The following NRXN3 variants were observed in gnomAD, a reference collection of about 807,000 sequenced individuals.
NRXN3 encodes the protein neurexin 3.
NRXN3 carries 32 observed loss-of-function variants against 137.6 expected under a neutral mutation model. That is an observed-to-expected ratio of 0.23 (90% CI 0.18 to 0.31). NRXN3 has a LOEUF of 0.31. Among genes scored for constraint, NRXN3 ranks in the 10% least tolerant of loss-of-function variants. The pLI is 1.00. For missense variants in NRXN3, 1,574 were observed against 2,062.5 expected, an observed-to-expected ratio of 0.76 and a Z score of 4.59; for synonymous variants, 798 against 784.5, an observed-to-expected ratio of 1.02 and a Z score of -0.29.
intron 15 of NRXN3, among the ~76,000 whole-genome samples, chr14:79,321,062 G>T (rs912416956): frequency 6.6e-6 from 1 of 152,032 alleles, no homozygotes; most frequent in African/African-American, 2.4e-5. Context: ...CTTTATACCA[G>T]TGCAATTTTC....
chr14:79,688,137 C>T (rs964705205), intron 17 of NRXN3, among the ~76,000 whole-genome samples: 6 of 150,018 alleles, frequency 4.0e-5, no homozygotes, highest in African/African-American at 7.3e-5. Context: ...GGAAGCATAC[C>T]GTGGAACTAA....
chr14:78,601,554 G>A (rs926785814), intron 4 of NRXN3, among the ~76,000 whole-genome samples: 11 of 151,806 alleles, frequency 7.2e-5, no homozygotes, highest in South Asian at 2.1e-4. Context: ...CTGGGTTCAC[G>A]CCATTCTCCT....
intron 10 of NRXN3, among the ~76,000 whole-genome samples, chr14:78,858,522 A>T (rs1032574548): frequency 5.3e-5 from 8 of 152,186 alleles, no homozygotes; most frequent in African/African-American, 1.9e-4. Context: ...ATTTTTCTTC[A>T]TTAGGACAGT....
In NRXN3 at chr14:79,527,070, C is replaced by A. The variant is rs187879819; in HGVS notation, c.3444+59668C>A. Among the ~76,000 whole-genome samples, 754 of 151,916 alleles carry A rather than the reference C, an allele frequency of 5.0e-3. 4 individuals carry two copies. Among genetic ancestry groups the A allele is most frequent in the Non-Finnish European group, 6.5e-3 (443 of 67,916 alleles). ...GGGAGGCTGAGGCAGGTGGATCACC[C>A]TGTCAAAACTCTCAGGAGTTCGAGA... On this transcript the variant is annotated intron_variant, in intron 16 of 20. Coordinates refer to ENST00000335750, the MANE Select transcript of NRXN3 (RefSeq NM_001330195.2).
At chr14:79,214,451 A>G (rs1298412517) in intron 15 of NRXN3, among the ~76,000 whole-genome samples, 2 of 152,218 alleles carry the variant, frequency 1.3e-5, no homozygotes, top group African/African-American at 2.4e-5. Context: ...TGTAGTTTCA[A>G]ATAGCTAGAA....
intron 19 of NRXN3, among the ~76,000 whole-genome samples, chr14:79,764,162 G>T (rs1352575803): frequency 1.5e-5 from 2 of 134,118 alleles, no homozygotes; most frequent in East Asian, 2.1e-4. Context: ...TTCTTTTGGT[G>T]GGTGGGGGGG....
At position 79,448,565 on chromosome 14, in the gene NRXN3, C is replaced by G. The variant is rs377365328; in HGVS notation, c.3263-18656C>G. 1.7e-3 allele frequency among the ~76,000 whole-genome samples: 255 copies of G among 152,232 alleles called. 5 individuals carry two copies. The South Asian group carries it at 0.05, about 30-fold the overall frequency. On this transcript the variant is annotated intron_variant, in intron 15 of 20. Transcript: ENST00000335750. ...CTAATTTACTATCCATGCAGATTAT[C>G]TTTAGGCAGAGGATAGAGAATAAGA... is the stretch of plus-strand genomic sequence containing the variant.
chr14:78,887,229 G>A (rs546455640), intron 10 of NRXN3, among the ~76,000 whole-genome samples: 2 of 152,028 alleles, frequency 1.3e-5, no homozygotes, highest in Non-Finnish European at 2.9e-5. Flanking sequence ...AGATAGATTT[G>A]GTAACTTGTC....
rs890756105 is a variant in NRXN3, at chr14:79,029,971, C to G, written c.3262+41830C>G. Among the ~76,000 whole-genome samples, 4 of 151,934 alleles carry G rather than the reference C, an allele frequency of 2.6e-5. No homozygotes were observed. In the East Asian group the frequency reaches 7.7e-4, roughly 29 times the overall value. On this transcript the variant is annotated intron_variant, in intron 15 of 20. Coordinates refer to ENST00000335750, the MANE Select transcript of NRXN3 (RefSeq NM_001330195.2). ...AATTGATCCTACTGTCTTAGCCCCC[C>G]CAAGTAGCTGGGACTACAGGCATGA...
chr14:79,456,736 A>G (rs2096263013), intron 15 of NRXN3, among the ~76,000 whole-genome samples: 1 of 151,948 alleles, frequency 6.6e-6, no homozygotes, highest in Non-Finnish European at 1.5e-5. Context: ...AAGAAAAGAA[A>G]GGAGAAGAGA....
intron 15 of NRXN3, among the ~76,000 whole-genome samples, chr14:79,101,202 C>A (rs182373719): frequency 1.6e-4 from 24 of 152,264 alleles, no homozygotes; most frequent in Non-Finnish European, 2.8e-4. Context: ...GCACTCAGGG[C>A]AGTGGTTTTT....
intron 8 of NRXN3, among the ~76,000 whole-genome samples, chr14:78,769,775 G>C (rs1028853792): frequency 6.6e-6 from 1 of 152,218 alleles, no homozygotes; most frequent in Admixed American, 6.5e-5. Flanking sequence ...ATGCTGAGGA[G>C]GTAGGCATGG....
At chr14:78,182,044 T>G (rs1008270411) in intron 1 of NRXN3, among the ~76,000 whole-genome samples, 1 of 148,390 alleles carries the variant, frequency 6.7e-6, no homozygotes. Flanking sequence ...TTACACATTA[T>G]GATGAGTGTT....
intron 16 of NRXN3, among the ~76,000 whole-genome samples, chr14:79,515,135 A>G (rs1165415161): frequency 6.6e-6 from 1 of 150,568 alleles, no homozygotes; most frequent in African/African-American, 2.5e-5. Flanking sequence ...CTCCCTGAGA[A>G]GCAGACCTGT....
chr14:78,183,138 C>T (rs2059957183), intron 1 of NRXN3, among the ~76,000 whole-genome samples: 1 of 152,206 alleles, frequency 6.6e-6, no homozygotes, highest in Admixed American at 6.5e-5. Flanking sequence ...ATGCCGGCCC[C>T]TCTGTGCTGA....
At chr14:79,347,815 T>C (rs1159186383) in intron 15 of NRXN3, among the ~76,000 whole-genome samples, 1 of 152,236 alleles carries the variant, frequency 6.6e-6, no homozygotes, top group African/African-American at 2.4e-5. Flanking sequence ...ACTAAAAATA[T>C]GACATCTACC....
At chr14:79,221,524 A>C (rs897961183) in intron 15 of NRXN3, among the ~76,000 whole-genome samples, 5 of 151,886 alleles carry the variant, frequency 3.3e-5, no homozygotes, top group African/African-American at 1.2e-4. Flanking sequence ...GCATTTTTTC[A>C]TGTTTGTTGG....
intron 19 of NRXN3, among the ~76,000 whole-genome samples, chr14:79,763,020 C>T (rs970590899): frequency 6.6e-6 from 1 of 151,072 alleles, no homozygotes. Context: ...CCTCCCCTAG[C>T]CTCCCACCCC....
At chr14:79,415,216 G>A (rs1397417377) in intron 15 of NRXN3, among the ~76,000 whole-genome samples, 4 of 151,976 alleles carry the variant, frequency 2.6e-5, no homozygotes, top group African/African-American at 9.7e-5. Flanking sequence ...ATCTATTCAA[G>A]GTACTGATTT....
Sources: allele counts gnomAD v4.1 joint callset (sites outside exome capture counted in the v4.1 genomes callset), GRCh38; gene constraint gnomAD v4.1.1; transcripts MANE v1.5; gene names NCBI Gene and HGNC (gene_info 2026-07-23, HGNC 2026-07-21).